The following PCDH17 variants were observed in gnomAD, a reference collection of about 807,000 sequenced individuals.
PCDH17 encodes the protein protocadherin 17, also known as protocadherin-17.
Under a neutral mutation model 67.7 loss-of-function variants are expected in PCDH17, and 21 were observed. The ratio of observed to expected loss-of-function variants is 0.31; its 90% CI spans 0.22 to 0.45. The LOEUF is 0.45. PCDH17 is among the 20% of genes least tolerant of loss of function. The pLI is 1.00. For missense variants in PCDH17, 1,471 were observed against 1,564.8 expected (o/e 0.94, Z 1.01); for synonymous variants, 701 against 656.7 (o/e 1.07, Z -1.03).
intron 1 of PCDH17, among the ~76,000 whole-genome samples, chr13:57,641,572 AAAAAAAAAAAAAAAAATATATATATATAT>A (rs1451578383): frequency 2.9e-4 from 13 of 44,346 alleles, no homozygotes; most frequent in Admixed American, 7.0e-4. Flanking sequence ...AAAAAAAAAA[AAAAAAAAAAAAAAAAATATATATATATAT>A]ATATATATAT....
chr13:57,686,338 A>T (rs1355483454), intron 3 of PCDH17, among the ~76,000 whole-genome samples: 1 of 152,018 alleles, frequency 6.6e-6, no homozygotes, highest in East Asian at 1.9e-4. Context: ...ATTTTGCAGA[A>T]CCCTGGATGT....
In PCDH17 at chr13:57,633,716, G is replaced by A; in HGVS notation, c.1170G>A (p.Arg390=). The A allele has an allele frequency of 1.2e-6, 2 of 1,601,362 alleles. No homozygotes were observed. Among genetic ancestry groups the A allele is most frequent in the Non-Finnish European group, 1.7e-6 (2 of 1,179,158 alleles). The change falls in exon 1 of 4, where the codon CGG becomes CGA. Residue 390 remains arginine (R), a synonymous_variant. Transcript: ENST00000377918. The surrounding 1 kb of genome is among the most constrained non-coding windows in gnomAD (Gnocchi z 6.2). Reference sequence around the variant, plus strand: ...GCAAGAACGGACAGCTGCAGTGTCGGGTCCTAGGCGGAGGAGGGACGGGCG... The same window carrying A: ...GCAAGAACGGACAGCTGCAGTGTCGAGTCCTAGGCGGAGGAGGGACGGGCG... ...DSGKNGQLQC[R]VLGGGGTGGG... is the part of the protein sequence containing the mutation.
chr13:57,644,805 A>G (rs937513510), intron 1 of PCDH17, among the ~76,000 whole-genome samples: 2 of 151,702 alleles, frequency 1.3e-5, no homozygotes, highest in Non-Finnish European at 3.0e-5. Context: ...TTGACATGTA[A>G]TGTCTCAGGA....
At chr13:57,685,714 A>C (rs1955498916) in intron 3 of PCDH17, among the ~76,000 whole-genome samples, 1 of 152,000 alleles carries the variant, frequency 6.6e-6, no homozygotes, top group South Asian at 2.1e-4. Context: ...TAGAATAAAA[A>C]ATTGTGGAGT....
rs765607352 is a variant in PCDH17, at chr13:57,633,438, C to A, written c.892C>A (p.Pro298Thr). 1.2e-6 allele frequency: 2 copies of A among 1,613,606 alleles called. No homozygotes were observed. Among genetic ancestry groups the A allele is most frequent in the East Asian group, 4.5e-5 (2 of 44,854 alleles). The stretch of plus-strand genomic sequence containing the variant: ...CGTGCGGGAGCTCTTCTCCATCGAC[C>A]CCAAGACCGGCCTAATCCGTGTGAA... ...DRVRELFSID[P>T]KTGLIRVKGN... Residue 298 changes from proline (P) to threonine (T), a missense_variant, in exon 1 of 4, where the codon CCC becomes ACC. Coordinates refer to ENST00000377918, the MANE Select transcript of PCDH17 (RefSeq NM_001040429.3). This position sits in a 1 kb window ranked among gnomAD's most constrained non-coding sequence, Gnocchi z 6.2.
rs1955923659 is a variant in PCDH17, at chr13:57,727,447, C to G, written c.*2153C>G. The stretch of plus-strand genomic sequence containing the variant: ...TTGTAATTTTAAACTTTAAAAACTT[C>G]TACTGAAAATATTTCCGCCAAATGC... On this transcript the variant is annotated 3_prime_UTR_variant, in exon 4 of 4. Coordinates refer to ENST00000377918, the MANE Select transcript of PCDH17 (RefSeq NM_001040429.3). 1 of 152,220 alleles carries G rather than the reference C, an allele frequency of 6.6e-6. No homozygotes were observed. 9.4% of individuals were successfully genotyped at this position (152,220 alleles called of 1,614,324 possible). A position where few individuals can be genotyped will look rare whatever the true frequency, so the allele number is the denominator to read the frequency against.
rs776323799 is a variant in PCDH17 at position 57,634,915 on chromosome 13, C to A, written c.2369C>A (p.Ser790Tyr). 1 of 1,613,788 alleles carries A rather than the reference C, an allele frequency of 6.2e-7. No individual in the cohort carries two copies. The highest frequency in any genetic ancestry group is 8.5e-7 in the Non-Finnish European group (1 of 1,179,980). ...MNVMNVVSSP[S>Y]LATSPMYFDY... is the part of the protein sequence containing the mutation. Reference sequence around the variant, plus strand: ...GTCATGAACGTGGTGAGCAGCCCCTCCCTGGCCACCTCCCCCATGTACTTC... The same window carrying A: ...GTCATGAACGTGGTGAGCAGCCCCTACCTGGCCACCTCCCCCATGTACTTC... Residue 790 changes from serine (S) to tyrosine (Y), a missense_variant, in exon 1 of 4, where the codon TCC becomes TAC. Coordinates refer to ENST00000377918, the MANE Select transcript of PCDH17 (RefSeq NM_001040429.3). This position sits in a 1 kb window ranked among gnomAD's most constrained non-coding sequence, Gnocchi z 7.8.
Position 57,635,089 on chromosome 13 carries a change from C to T in PCDH17, c.2543C>T (p.Ala848Val), listed in dbSNP as rs1954805303. 2 of 1,613,346 alleles carry T rather than the reference C, an allele frequency of 1.2e-6. No homozygotes were observed. The highest frequency in any genetic ancestry group is 1.1e-5 in the South Asian group (1 of 91,058). The part of the protein sequence containing the change: ...GQGTNASETP[A>V]TRMSIIQTDN... ...GGGACTAATGCAAGCGAGACCCCTG[C>T]CACTCGGATGTCCATAATTCAGGTA... Residue 848 changes from alanine to valine, a missense_variant, in exon 1 of 4, where the codon GCC (alanine) becomes GTC (valine). Transcript: ENST00000377918.
At chr13:57,653,363 G>A (rs1256180146) in intron 1 of PCDH17, among the ~76,000 whole-genome samples, 1 of 152,022 alleles carries the variant, frequency 6.6e-6, no homozygotes, top group African/African-American at 2.4e-5. Flanking sequence ...TAATTAGAAT[G>A]AGAATAATAA....
rs190538584 is a variant in PCDH17, at chr13:57,697,594, G to T, written c.2798-27018G>T. Among the ~76,000 whole-genome samples the T allele has an allele frequency of 4.8e-3, 721 of 150,406 alleles. 5 individuals carry two copies. Among genetic ancestry groups the T allele is most frequent in the Middle Eastern group, 0.017 (5 of 290 alleles). ...CTACCAAAAGTTAAACTGTGAGTCT[G>T]TTAACAATTCATACTGGCCGGATAA... On this transcript the variant is annotated intron_variant, in intron 3 of 3. Coordinates refer to ENST00000377918, the MANE Select transcript of PCDH17 (RefSeq NM_001040429.3).
intron 3 of PCDH17, among the ~76,000 whole-genome samples, chr13:57,722,331 A>G (rs1955878028): frequency 6.6e-6 from 1 of 152,188 alleles, no homozygotes; most frequent in African/African-American, 2.4e-5. Context: ...ACATTAGCAT[A>G]TTTCAAAGAC....
upstream of PCDH17, among the ~76,000 whole-genome samples, chr13:57,630,543 C>T (rs1252470821): frequency 6.6e-6 from 1 of 151,966 alleles, no homozygotes; most frequent in Non-Finnish European, 1.5e-5. Context: ...TACCTCTCGC[C>T]TAACCAAGAG....
intron 3 of PCDH17, among the ~76,000 whole-genome samples, chr13:57,700,313 C>A (rs1224502050): frequency 1.3e-5 from 2 of 148,914 alleles, no homozygotes; most frequent in Admixed American, 1.3e-4. Context: ...TTACATCTCT[C>A]TCTCTCTCTT....
At chr13:57,645,695 A>G (rs1954956951) in intron 1 of PCDH17, among the ~76,000 whole-genome samples, 1 of 150,988 alleles carries the variant, frequency 6.6e-6, no homozygotes, top group Non-Finnish European at 1.5e-5. Flanking sequence ...ATAATTGTAT[A>G]TGGTATATAT....
chr13:57,666,509 G>A lies in PCDH17; in HGVS notation c.2607G>A (p.Arg869=), dbSNP rs2138024071. ...CAGAGCCCAATTACATGGGCAGCAG[G>A]CAGCAGTTTGTTCAAAGGTAAGGCC... ...FPAEPNYMGS[R]QQFVQSSSTF... is the part of the protein sequence containing the mutation. Residue 869 remains arginine (R), a synonymous_variant, in exon 2 of 4, where the codon AGG becomes AGA. Transcript: ENST00000377918. 2 of 1,613,872 alleles carry A rather than the reference G, an allele frequency of 1.2e-6. No homozygotes were observed. The highest frequency in any genetic ancestry group is 2.2e-5 in the South Asian group (2 of 91,082).
At chr13:57,673,972 A>G (rs1476975857) in intron 3 of PCDH17, among the ~76,000 whole-genome samples, 2 of 151,976 alleles carry the variant, frequency 1.3e-5, no homozygotes, top group African/African-American at 2.4e-5. Flanking sequence ...AACTGCCCCC[A>G]CAGTTTACCT....
chr13:57,667,026 C>T (rs1955263991), intron 3 of PCDH17, among the ~76,000 whole-genome samples, 193 bp downstream of exon 3: 1 of 152,106 alleles, frequency 6.6e-6, no homozygotes, highest in East Asian at 1.9e-4. Flanking sequence ...AACGAAGGCC[C>T]TGGGTATCAT....
rs184057240 is a variant in PCDH17, at chr13:57,700,466, G to A, written c.2798-24146G>A. Among the ~76,000 whole-genome samples, 10 of 151,846 alleles carry A rather than the reference G, an allele frequency of 6.6e-5. No homozygotes were observed. The East Asian group carries it at 1.9e-3, about 30-fold the overall frequency. On this transcript the variant is annotated intron_variant, in intron 3 of 3. Transcript: ENST00000377918. ...TCTGACTAGCTGGGACTACAGGCGC[G>A]TGCCACCATGCCCAGCTAATTTTTG...
intron 3 of PCDH17, among the ~76,000 whole-genome samples, chr13:57,682,700 C>A (rs536538492): frequency 6.6e-6 from 1 of 151,804 alleles, no homozygotes; most frequent in South Asian, 2.1e-4. Flanking sequence ...TTCTGTTAAT[C>A]TCCAAAGTAT....
Sources: gnomAD v4.1 joint callset for allele counts (sites outside exome capture counted in the v4.1 genomes callset) on GRCh38, gnomAD v4.1.1 for gene constraint, Gnocchi (gnomAD v3.1) non-coding constraint, MANE v1.5 for transcripts, NCBI Gene and HGNC (gene_info 2026-07-23, HGNC 2026-07-21) for gene names.